RPS6KC1: variants seen among roughly 807,000 people sequenced by gnomAD.
RPS6KC1 encodes ribosomal protein S6 kinase C1.
A neutral mutation model predicts 103.8 loss-of-function variants in RPS6KC1; 54 were observed. That is an observed-to-expected ratio of 0.52 (90% CI 0.42 to 0.65). The LOEUF is 0.65. Ranked by LOEUF, RPS6KC1 falls within the 30% of genes least tolerant of loss-of-function variation. The pLI, the probability that RPS6KC1 is intolerant of heterozygous loss-of-function variation, is 0.00. For synonymous variants in RPS6KC1, 439 were observed against 438.7 expected, an observed-to-expected ratio of 1.00 and a Z score of -0.01; for missense variants, 1,151 against 1,253.8, an observed-to-expected ratio of 0.92 and a Z score of 1.24.
At chr1:213,154,174 C>T (rs2089597007) in intron 6 of RPS6KC1, among the ~76,000 whole-genome samples, 1 of 151,228 alleles carries the variant, frequency 6.6e-6, no homozygotes, top group Non-Finnish European at 1.5e-5. Context: ...CCTGGGGCCA[C>T]CACCACTATG....
At chr1:213,480,888 T>C in the RPS6KC1 span, among the ~76,000 whole-genome samples, 2,931 of 152,278 alleles carry the variant, frequency 0.019, 35 homozygotes, top group Non-Finnish European at 0.026. Context: ...TTGAGATAAC[T>C]ATGCATATTA....
At chr1:213,066,527 T>C (rs1558248655) in intron 1 of RPS6KC1, among the ~76,000 whole-genome samples, 2 of 152,198 alleles carry the variant, frequency 1.3e-5, no homozygotes, top group Non-Finnish European at 2.9e-5. Context: ...GTATATTGCA[T>C]AATAATCATG....
At chr1:213,074,591 T>C (rs1040913286) in intron 2 of RPS6KC1, among the ~76,000 whole-genome samples, 1 of 152,090 alleles carries the variant, frequency 6.6e-6, no homozygotes, top group African/African-American at 2.4e-5. Flanking sequence ...AGGCAGTGGA[T>C]GTGACATTTT....
At chr1:213,571,129 T>A in the RPS6KC1 span, among the ~76,000 whole-genome samples, 2 of 152,210 alleles carry the variant, frequency 1.3e-5, no homozygotes, top group Non-Finnish European at 2.9e-5. Flanking sequence ...GTGGCCTTTG[T>A]AGACAAATAT....
At chr1:213,149,980 T>C (rs2088461867) in intron 6 of RPS6KC1, among the ~76,000 whole-genome samples, 1 of 152,232 alleles carries the variant, frequency 6.6e-6, no homozygotes, top group Non-Finnish European at 1.5e-5. Flanking sequence ...TATTTTTTAG[T>C]TTCCATTGGT....
chr1:213,721,820 AT>A, the RPS6KC1 span, among the ~76,000 whole-genome samples: 1 of 152,000 alleles, frequency 6.6e-6, no homozygotes, highest in African/African-American at 2.4e-5. Context: ...GGAATTCTCA[AT>A]CTCTCTCTTT....
chr1:213,347,387 A>T, the RPS6KC1 span, among the ~76,000 whole-genome samples: 16 of 152,342 alleles, frequency 1.1e-4, no homozygotes, highest in South Asian at 3.3e-3. Flanking sequence ...TTAGGAAAAC[A>T]TATAGTTATG....
At chr1:213,728,423 A>C in the RPS6KC1 span, among the ~76,000 whole-genome samples, 133 of 152,282 alleles carry the variant, frequency 8.7e-4, 1 homozygote, top group East Asian at 0.018. Context: ...CGTGGAGCTC[A>C]TGGTGATAAA....
chr1:213,608,834 A>G, the RPS6KC1 span, among the ~76,000 whole-genome samples: 3 of 152,346 alleles, frequency 2.0e-5, no homozygotes, highest in African/African-American at 7.2e-5. Context: ...TCATTAATGT[A>G]AAATGGATTC....
At position 213,185,285 on chromosome 1, in the gene RPS6KC1, G is replaced by A. The variant is rs114803183; in HGVS notation, c.1044+8793G>A. Among the ~76,000 whole-genome samples, 351 of 152,182 alleles carry A rather than the reference G, an allele frequency of 2.3e-3. 1 individual carries two copies. Among genetic ancestry groups the A allele is most frequent in the African/African-American group, 7.8e-3 (324 of 41,506 alleles). ...CAGTCTATGTGTCTTTATAGGTAGGGTAGGTTTCTTGAAGACAGCATATAG... is the reference window on the plus strand; with the variant it reads ...CAGTCTATGTGTCTTTATAGGTAGGATAGGTTTCTTGAAGACAGCATATAG... On this transcript the variant is annotated intron_variant, in intron 8 of 14. Transcript: ENST00000366960.
chr1:213,453,294 C>T, the RPS6KC1 span, among the ~76,000 whole-genome samples: 2 of 152,012 alleles, frequency 1.3e-5, no homozygotes, highest in East Asian at 1.9e-4. Context: ...ATCATGGAGC[C>T]GATGGAGCTT....
At chr1:213,566,416 C>A in the RPS6KC1 span, among the ~76,000 whole-genome samples, 1 of 77,634 alleles carries the variant, frequency 1.3e-5, no homozygotes, top group South Asian at 4.8e-4. Flanking sequence ...TTTTTCAATT[C>A]TTGGAACTTC....
At chr1:213,337,646 A>G in the RPS6KC1 span, among the ~76,000 whole-genome samples, 1 of 152,072 alleles carries the variant, frequency 6.6e-6, no homozygotes, top group African/African-American at 2.4e-5. Context: ...ATTGATGTTG[A>G]TGCTATTCTT....
the RPS6KC1 span, among the ~76,000 whole-genome samples, chr1:213,418,527 G>A: frequency 2.0e-5 from 3 of 152,178 alleles, no homozygotes; most frequent in Non-Finnish European, 2.9e-5. Flanking sequence ...TTTTCAAGTC[G>A]TTGGAGCTTT....
chr1:213,362,144 C>G, the RPS6KC1 span, among the ~76,000 whole-genome samples: 2 of 152,072 alleles, frequency 1.3e-5, no homozygotes, highest in African/African-American at 4.8e-5. Flanking sequence ...CTATTTGTAC[C>G]GAGGGAGAGG....
At chr1:213,846,746 G>A in the RPS6KC1 span, among the ~76,000 whole-genome samples, 1 of 152,012 alleles carries the variant, frequency 6.6e-6, no homozygotes, top group East Asian at 1.9e-4. Context: ...TAAGAGTAAG[G>A]GTAGGGTGTG....
chr1:213,120,755 G>C (rs74958452), intron 5 of RPS6KC1, among the ~76,000 whole-genome samples: 3,110 of 152,154 alleles, frequency 0.02, 106 homozygotes, highest in African/African-American at 0.069. Flanking sequence ...TGAGGCAGAG[G>C]GGGTAAATCT....
At chr1:213,827,234 T>C in the RPS6KC1 span, among the ~76,000 whole-genome samples, 1 of 152,198 alleles carries the variant, frequency 6.6e-6, no homozygotes, top group Non-Finnish European at 1.5e-5. Flanking sequence ...GCTAAGGCTC[T>C]GGGTGAAAAT....
the RPS6KC1 span, among the ~76,000 whole-genome samples, chr1:213,660,499 G>C: frequency 6.6e-6 from 1 of 152,228 alleles, no homozygotes; most frequent in African/African-American, 2.4e-5. Flanking sequence ...ATCAGTCGTT[G>C]CTCATGCGCC....
Sources: gnomAD v4.1 joint callset for allele counts (sites outside exome capture counted in the v4.1 genomes callset) on GRCh38, gnomAD v4.1.1 for gene constraint, MANE v1.5 for transcripts, NCBI Gene and HGNC (gene_info 2026-07-23, HGNC 2026-07-21) for gene names.